Variants in ATG7 observed in about 807,000 individuals in gnomAD.
ATG7 encodes autophagy related 7.
Under a neutral mutation model 82.4 loss-of-function variants are expected in ATG7, and 70 were observed. The observed-to-expected ratio is 0.85, with a 90% CI of 0.70 to 1.04. The LOEUF is 1.04. ATG7 is among the 50% of genes least tolerant of loss of function. ATG7 has a pLI of 0.00. For synonymous variants in ATG7, 287 were observed against 313.0 expected (o/e 0.92, Z 0.88); for missense variants, 792 against 864.3 (o/e 0.92, Z 1.05).
intron 9 of ATG7, among the ~76,000 whole-genome samples, chr3:11,324,707 C>T (rs941833204): frequency 6.6e-6 from 1 of 151,934 alleles, no homozygotes; most frequent in African/African-American, 2.4e-5. Flanking sequence ...TATGCTTATT[C>T]TTTGAAATTA....
At chr3:11,369,682 G>A (rs1350649410) in intron 18 of ATG7, among the ~76,000 whole-genome samples, 1 of 151,230 alleles carries the variant, frequency 6.6e-6, no homozygotes, top group African/African-American at 2.4e-5. Context: ...CAGAAGAAGA[G>A]TCAAGATTGC....
intron 20 of ATG7, among the ~76,000 whole-genome samples, chr3:11,427,233 G>C (rs2082434551): frequency 6.6e-6 from 1 of 152,158 alleles, no homozygotes; most frequent in African/African-American, 2.4e-5. Context: ...CCATTGGAGA[G>C]AGTTGGCTTT....
chr3:11,471,078 C>G (rs969979469), intron 20 of ATG7, among the ~76,000 whole-genome samples: 2 of 152,178 alleles, frequency 1.3e-5, no homozygotes, highest in Non-Finnish European at 2.9e-5. Flanking sequence ...GAGCCCAGCC[C>G]TTAGTCTCTG....
chr3:11,513,035 C>T (rs1482853985), intron 20 of ATG7, among the ~76,000 whole-genome samples: 1 of 152,212 alleles, frequency 6.6e-6, no homozygotes, highest in African/African-American at 2.4e-5. Context: ...GGTGCATTCC[C>T]AAATCCTGAG....
intron 20 of ATG7, among the ~76,000 whole-genome samples, chr3:11,531,705 TTG>T: frequency 6.6e-6 from 1 of 151,566 alleles, no homozygotes; most frequent in Non-Finnish European, 1.5e-5. Context: ...AACCCTGTCT[TTG>T]CAAAAAATTA....
chr3:11,327,591 A>G (rs1291503608), intron 9 of ATG7, among the ~76,000 whole-genome samples: 1 of 152,222 alleles, frequency 6.6e-6, no homozygotes, highest in African/African-American at 2.4e-5. Flanking sequence ...GCTGCAGACA[A>G]TCAAGAAGTT....
intron 13 of ATG7, among the ~76,000 whole-genome samples, chr3:11,343,611 A>G (rs1426967347): frequency 6.6e-6 from 1 of 152,038 alleles, no homozygotes; most frequent in Non-Finnish European, 1.5e-5. Flanking sequence ...TTTGTGGGTT[A>G]TGGAACTCTT....
At chr3:11,408,766 C>T (rs890438076) in intron 19 of ATG7, among the ~76,000 whole-genome samples, 2 of 152,260 alleles carry the variant, frequency 1.3e-5, no homozygotes, top group African/African-American at 4.8e-5. Context: ...AGACCCACCC[C>T]CATGATTCAG....
At chr3:11,427,186 C>A (rs2082430408) in intron 20 of ATG7, among the ~76,000 whole-genome samples, 1 of 152,152 alleles carries the variant, frequency 6.6e-6, no homozygotes, top group African/African-American at 2.4e-5. Context: ...GATTTCCAGG[C>A]ACCTCTTGTC....
At chr3:11,311,631 G>C (rs1291624438) in intron 7 of ATG7, among the ~76,000 whole-genome samples, 1 of 151,242 alleles carries the variant, frequency 6.6e-6, no homozygotes, top group Non-Finnish European at 1.5e-5. Context: ...GATTTTGTGA[G>C]TTTCTTCATC....
At chr3:11,456,913 A>G (rs2085790058) in intron 20 of ATG7, among the ~76,000 whole-genome samples, 1 of 152,200 alleles carries the variant, frequency 6.6e-6, no homozygotes, top group Non-Finnish European at 1.5e-5. Context: ...AGCACCTCTC[A>G]GGTGTGACCA....
chr3:11,379,784 A>G (rs561446259), intron 18 of ATG7, among the ~76,000 whole-genome samples, 188 bp from the exon 19 acceptor site: 24 of 152,366 alleles, frequency 1.6e-4, no homozygotes, highest in South Asian at 8.3e-4. Flanking sequence ...AAAGGACCTA[A>G]TATAGTTCTT....
chr3:11,355,515 A>G (rs1445761127), intron 14 of ATG7, among the ~76,000 whole-genome samples: 5 of 152,238 alleles, frequency 3.3e-5, no homozygotes, highest in African/African-American at 7.2e-5. Context: ...CTACCACTCA[A>G]GACACACAAA....
chr3:11,471,980 T>C (rs927171991), intron 20 of ATG7, among the ~76,000 whole-genome samples: 2 of 152,052 alleles, frequency 1.3e-5, no homozygotes, highest in Non-Finnish European at 2.9e-5. Flanking sequence ...TCAAGTGACC[T>C]GTCCACTTGG....
chr3:11,354,420 C>A (rs997875603), intron 14 of ATG7, among the ~76,000 whole-genome samples: 1 of 152,004 alleles, frequency 6.6e-6, no homozygotes, highest in Non-Finnish European at 1.5e-5. Context: ...GAGGCTGAGG[C>A]GGGTGGATCA....
At chr3:11,416,445 C>T (rs1294296548) in intron 19 of ATG7, among the ~76,000 whole-genome samples, 1 of 152,040 alleles carries the variant, frequency 6.6e-6, no homozygotes, top group Non-Finnish European at 1.5e-5. Flanking sequence ...TGGATTCTGT[C>T]TTTAAATAAT....
intron 20 of ATG7, among the ~76,000 whole-genome samples, chr3:11,503,026 G>C (rs886764618): frequency 9.2e-5 from 14 of 152,200 alleles, no homozygotes; most frequent in African/African-American, 3.4e-4. Context: ...TTACATACCA[G>C]ATACAGGGGT....
At chr3:11,280,001 G>A (rs1942735918) in intron 1 of ATG7, among the ~76,000 whole-genome samples, 1 of 149,898 alleles carries the variant, frequency 6.7e-6, no homozygotes, top group South Asian at 2.1e-4. Flanking sequence ...TAACATAACT[G>A]TTTATTGAAG....
At chr3:11,281,839 G>A (rs1330967560) in intron 2 of ATG7, among the ~76,000 whole-genome samples, 1 of 151,330 alleles carries the variant, frequency 6.6e-6, no homozygotes, top group African/African-American at 2.4e-5. Context: ...TCGGAAATCA[G>A]GCCTTTGCTT....
Sources: allele counts gnomAD v4.1 joint callset (sites outside exome capture counted in the v4.1 genomes callset), GRCh38; gene constraint gnomAD v4.1.1; transcripts MANE v1.5; gene names NCBI Gene and HGNC (gene_info 2026-07-23, HGNC 2026-07-21).